TTI1: variants seen among roughly 807,000 people sequenced by gnomAD.
TTI1 encodes the protein TELO2 interacting protein 1.
Under a neutral mutation model 85.4 loss-of-function variants are expected in TTI1, and 52 were observed. The ratio of observed to expected loss-of-function variants is 0.61; its 90% CI spans 0.49 to 0.77. TTI1 has a LOEUF of 0.77. Ranked by LOEUF, TTI1 falls within the 30% of genes least tolerant of loss-of-function variation. The pLI is 0.00. For missense variants in TTI1, 1,173 were observed against 1,296.0 expected, an observed-to-expected ratio of 0.91 and a Z score of 1.46; for synonymous variants, 512 against 503.9, an observed-to-expected ratio of 1.02 and a Z score of -0.22.
intron 2 of TTI1, among the ~76,000 whole-genome samples, chr20:38,007,844 T>C (rs955984375): frequency 2.6e-5 from 4 of 152,220 alleles, no homozygotes; most frequent in African/African-American, 9.6e-5. Context: ...CATTATGACA[T>C]TCTTCAAACT....
intron 1 of TTI1, among the ~76,000 whole-genome samples, chr20:38,020,041 A>G (rs1403409206): frequency 6.6e-6 from 1 of 152,178 alleles, no homozygotes; most frequent in Non-Finnish European, 1.5e-5. Context: ...AGAAATGCAA[A>G]GGACCCAAAA....
At position 38,012,007 on chromosome 20, in the gene TTI1, C is replaced by T; in HGVS notation, c.1810G>A (p.Val604Ile). ...TTTGAGAAGGCTAGAAAAGATGTAACTTGGCAGGTGTGTTCACCAGACGTG... is the reference window on the plus strand; with the variant it reads ...TTTGAGAAGGCTAGAAAAGATGTAATTTGGCAGGTGTGTTCACCAGACGTG... The part of the protein sequence containing the change: ...AITSGEHTCQ[V>I]TSFLAFSKPS... The change falls in exon 2 of 8, where the codon GTT (valine) becomes ATT (isoleucine). Residue 604 changes from valine to isoleucine, a missense_variant. By Grantham distance (29) the Val-to-Ile change is conservative (BLOSUM62 3). Transcript: ENST00000373447. 4.3e-6 allele frequency: 7 copies of T among 1,614,220 alleles called. No individual in the cohort carries two copies. The highest frequency in any genetic ancestry group is 5.9e-6 in the Non-Finnish European group (7 of 1,180,046).
intron 5 of TTI1, 112 bp from the exon 6 acceptor site, chr20:37,997,065 A>G: frequency 8.7e-7 from 1 of 1,151,190 alleles, no homozygotes; most frequent in Non-Finnish European, 1.2e-6. Context: ...GAAAAAAAAA[A>G]TAGAATTACT....
intron 2 of TTI1, among the ~76,000 whole-genome samples, chr20:38,009,717 G>A (rs774173959): frequency 6.6e-6 from 1 of 152,030 alleles, no homozygotes; most frequent in African/African-American, 2.4e-5. Context: ...TGCCCAGGCT[G>A]GTCTTGAACT....
chr20:37,995,558 C>T (rs1469515699), intron 7 of TTI1, among the ~76,000 whole-genome samples: 1 of 152,236 alleles, frequency 6.6e-6, no homozygotes. Context: ...AGCTTTCGCC[C>T]CAGCAGCAGA....
chr20:38,033,041 G>A (rs1409936634), intron 1 of TTI1, among the ~76,000 whole-genome samples: 5 of 152,204 alleles, frequency 3.3e-5, no homozygotes, highest in African/African-American at 9.7e-5. Context: ...TGTGTTTCAT[G>A]ACGGCGCTGT....
chr20:37,984,656 C>G (rs557657828), intron 7 of TTI1, among the ~76,000 whole-genome samples: 27 of 152,312 alleles, frequency 1.8e-4, no homozygotes, highest in Admixed American at 4.6e-4. Flanking sequence ...GCTGGGCTCC[C>G]CATGCCATTT....
At chr20:37,987,427 C>A (rs1568606610) in intron 7 of TTI1, 3 of 437,604 alleles carry the variant, frequency 6.9e-6, no homozygotes, top group Admixed American at 5.1e-5. Context: ...CCAGTTCCAT[C>A]TTTTTTCAAA....
chr20:38,013,606 T>G lies in TTI1; in HGVS notation c.211A>C (p.Ile71Leu). 1 of 1,614,192 alleles carries G rather than the reference T, an allele frequency of 6.2e-7. No individual in the cohort carries two copies. The highest frequency in any genetic ancestry group is 2.2e-5 in the East Asian group (1 of 44,886). ...GTGAGGCATTCCACCACACTTTGGA[T>G]CAAACGCTCTCTTTTGGGACCTGGG... ...KTPGPKRERLIQSVVECLTFV... is the reference protein window; with the variant it reads ...KTPGPKRERLLQSVVECLTFV... The change falls in exon 2 of 8, where the codon ATC becomes CTC. Residue 71 changes from isoleucine to leucine, a missense_variant. Coordinates refer to ENST00000373447, the MANE Select transcript of TTI1 (RefSeq NM_001303457.2).
intron 2 of TTI1, among the ~76,000 whole-genome samples, chr20:38,010,545 A>G (rs1247648105): frequency 1.5e-5 from 2 of 137,872 alleles, no homozygotes; most frequent in Non-Finnish European, 3.0e-5. Context: ...ATCTTGGCTC[A>G]CTGCAAGCTC....
At position 38,013,711 on chromosome 20, in the gene TTI1, G is replaced by C; in HGVS notation, c.106C>G (p.Arg36Gly). 6.2e-7 allele frequency: 1 copy of C among 1,614,174 alleles called. No homozygotes were observed. The highest frequency in any genetic ancestry group is 8.5e-7 in the Non-Finnish European group (1 of 1,180,024). ...GCACTGTCACTCACAGCTTGTAGTC[G>C]TGTCTGCAGATGCTCCACATTCTCC... ...TVENVEHLQTRLQAVSDSALQ... is the reference protein window; with the variant it reads ...TVENVEHLQTGLQAVSDSALQ... Residue 36 changes from arginine (R) to glycine (G), a missense_variant, in exon 2 of 8, where the codon CGA becomes GGA. Coordinates refer to ENST00000373447, the MANE Select transcript of TTI1 (RefSeq NM_001303457.2).
chr20:38,021,126 G>A (rs140085759), intron 1 of TTI1, among the ~76,000 whole-genome samples: 2 of 152,276 alleles, frequency 1.3e-5, no homozygotes, highest in Non-Finnish European at 2.9e-5. Context: ...TAAATAAACT[G>A]TAGTACATTC....
chr20:38,019,782 T>C (rs2073737560), intron 1 of TTI1, among the ~76,000 whole-genome samples: 1 of 152,226 alleles, frequency 6.6e-6, no homozygotes, highest in South Asian at 2.1e-4. Flanking sequence ...TACTTGTTGG[T>C]GGAGGGCTGT....
chr20:38,030,945 T>C (rs543835060), intron 1 of TTI1, among the ~76,000 whole-genome samples: 1 of 152,374 alleles, frequency 6.6e-6, no homozygotes, highest in Admixed American at 6.5e-5. Flanking sequence ...GCTATTCTTA[T>C]AGTTGCTTAG....
At chr20:37,985,467 G>C (rs1225654646) in intron 7 of TTI1, among the ~76,000 whole-genome samples, 1 of 152,018 alleles carries the variant, frequency 6.6e-6, no homozygotes, top group Non-Finnish European at 1.5e-5. Flanking sequence ...AGGTGTAGTG[G>C]ACATACACTA....
chr20:37,999,273 A>G lies in TTI1; in HGVS notation c.2708T>C (p.Leu903Pro), dbSNP rs2073386517. Residue 903 changes from leucine to proline, a missense_variant, in exon 5 of 8, where the codon CTG becomes CCG. Coordinates refer to ENST00000373447, the MANE Select transcript of TTI1 (RefSeq NM_001303457.2). Reference sequence around the variant, plus strand: ...CCAGGCCTGATGAGCCAAGGGAAGCAGCTGGTTTTTGTGGGACTGAAGAAC... The same window carrying G: ...CCAGGCCTGATGAGCCAAGGGAAGCGGCTGGTTTTTGTGGGACTGAAGAAC... The part of the protein sequence containing the change: ...VVVLQSHKNQ[L>P]LPLAHQAWPS... 1 of 1,526,994 alleles carries G rather than the reference A, an allele frequency of 6.5e-7. No individual in the cohort carries two copies. Among genetic ancestry groups the G allele is most frequent in the Non-Finnish European group, 8.8e-7 (1 of 1,134,890 alleles). 94.6% of individuals were successfully genotyped at this position (1,526,994 alleles called of 1,614,324 possible). A position where few individuals can be genotyped will look rare whatever the true frequency, so the allele number is the denominator to read the frequency against.
At chr20:37,984,623 A>G (rs1202930911) in intron 7 of TTI1, among the ~76,000 whole-genome samples, 1 of 152,182 alleles carries the variant, frequency 6.6e-6, no homozygotes, top group African/African-American at 2.4e-5. Flanking sequence ...TGCCCATCTC[A>G]GCTCACCATC....
At chr20:38,032,533 C>T (rs1193210532) in intron 1 of TTI1, among the ~76,000 whole-genome samples, 1 of 152,144 alleles carries the variant, frequency 6.6e-6, no homozygotes. Flanking sequence ...GCTTTGATAC[C>T]TGGGATTTAA....
At chr20:38,028,814 T>A (rs1447195044) in intron 1 of TTI1, among the ~76,000 whole-genome samples, 1 of 152,146 alleles carries the variant, frequency 6.6e-6, no homozygotes, top group Non-Finnish European at 1.5e-5. Context: ...GCTCAAGCAA[T>A]CCTCCCACCT....
Sources: gnomAD v4.1 joint callset for allele counts (sites outside exome capture counted in the v4.1 genomes callset) on GRCh38, gnomAD v4.1.1 for gene constraint, MANE v1.5 for transcripts, NCBI Gene and HGNC (gene_info 2026-07-23, HGNC 2026-07-21) for gene names.